LINGO2: variants seen among roughly 807,000 people sequenced by gnomAD.
LINGO2 encodes the protein leucine rich repeat and Ig domain containing 2, also known as leucine-rich repeat and immunoglobulin-like domain-containing nogo receptor-interacting protein 2.
In LINGO2, 14 loss-of-function variants were observed where a neutral mutation model predicts 30.6. The ratio of observed to expected loss-of-function variants is 0.46; its 90% CI spans 0.30 to 0.72. The LOEUF is 0.72. LINGO2 is among the 30% of genes least tolerant of loss of function. The probability of loss-of-function intolerance (pLI) is 0.07; values close to 1 mark genes in which losing one functional copy is unlikely to be tolerated. For missense variants in LINGO2, 729 were observed against 751.7 expected, an observed-to-expected ratio of 0.97 and a Z score of 0.35; for synonymous variants, 317 against 288.5, an observed-to-expected ratio of 1.10 and a Z score of -1.00.
the LINGO2 span, among the ~76,000 whole-genome samples, chr9:28,978,255 G>C: frequency 6.6e-6 from 1 of 152,122 alleles, no homozygotes; most frequent in Non-Finnish European, 1.5e-5. Context: ...TGTGAAATCT[G>C]ATGTTTTGGC....
chr9:27,939,051 A>G, the LINGO2 span: 7 of 152,336 alleles, frequency 4.6e-5, no homozygotes, highest in South Asian at 1.2e-3. Context: ...ATGATTTTCA[A>G]TATAGAATGT....
the LINGO2 span, among the ~76,000 whole-genome samples, chr9:28,765,434 C>T: frequency 6.6e-6 from 1 of 151,918 alleles, no homozygotes; most frequent in African/African-American, 2.4e-5. Flanking sequence ...TATTTGATCC[C>T]CAATGTGTGG....
intron 4 of LINGO2, among the ~76,000 whole-genome samples, chr9:28,206,919 G>A (rs1242059780): frequency 4.6e-5 from 7 of 152,070 alleles, no homozygotes; most frequent in African/African-American, 1.7e-4. Context: ...GTTCACTTAA[G>A]ATGGAACTAT....
intron 4 of LINGO2, among the ~76,000 whole-genome samples, chr9:28,034,568 T>TA (rs1444802858): frequency 2.0e-5 from 3 of 152,168 alleles, no homozygotes; most frequent in Admixed American, 2.0e-4. Context: ...GATAGGGCTT[T>TA]GCAAGTCAGC....
At chr9:28,694,131 A>G in the LINGO2 span, among the ~76,000 whole-genome samples, 1 of 152,014 alleles carries the variant, frequency 6.6e-6, no homozygotes, top group Non-Finnish European at 1.5e-5. Context: ...GTTTTCAAAA[A>G]AAAAAAATCA....
At chr9:29,103,545 A>G in the LINGO2 span, among the ~76,000 whole-genome samples, 1 of 151,960 alleles carries the variant, frequency 6.6e-6, no homozygotes, top group Non-Finnish European at 1.5e-5. Context: ...TTTCTTTTTT[A>G]AAATGTATAT....
chr9:29,083,586 TA>T, the LINGO2 span, among the ~76,000 whole-genome samples: 19 of 145,798 alleles, frequency 1.3e-4, no homozygotes, highest in African/African-American at 3.5e-4. Context: ...ATAATAATAA[TA>T]AAAAAAAGAA....
intron 4 of LINGO2, among the ~76,000 whole-genome samples, chr9:28,013,479 A>G (rs939935421): frequency 1.1e-4 from 16 of 152,232 alleles, no homozygotes; most frequent in South Asian, 4.1e-4. Flanking sequence ...TCAGGAATCA[A>G]TCAATCAAAA....
At chr9:28,397,021 T>C (rs1286787932) in intron 2 of LINGO2, among the ~76,000 whole-genome samples, 2 of 152,136 alleles carry the variant, frequency 1.3e-5, no homozygotes, top group Non-Finnish European at 2.9e-5. Flanking sequence ...ATAATAAATT[T>C]ATATGTAAAA....
At chr9:29,168,537 A>C in the LINGO2 span, among the ~76,000 whole-genome samples, 1 of 152,212 alleles carries the variant, frequency 6.6e-6, no homozygotes, top group Non-Finnish European at 1.5e-5. Flanking sequence ...TATTCTGGAA[A>C]ATATTTTCTT....
intron 2 of LINGO2, among the ~76,000 whole-genome samples, chr9:28,475,367 A>G (rs1006148697): frequency 2.6e-5 from 4 of 152,216 alleles, no homozygotes; most frequent in Admixed American, 1.3e-4. Context: ...GGCAGTGGAT[A>G]CAATTGCACA....
At chr9:28,371,206 G>A (rs1820881590) in intron 3 of LINGO2, among the ~76,000 whole-genome samples, 1 of 152,168 alleles carries the variant, frequency 6.6e-6, no homozygotes, top group Admixed American at 6.5e-5. Context: ...ATTTATCTAT[G>A]GAGTACAGTG....
chr9:28,354,128 T>A (rs1003713878), intron 3 of LINGO2, among the ~76,000 whole-genome samples: 1 of 151,972 alleles, frequency 6.6e-6, no homozygotes, highest in Non-Finnish European at 1.5e-5. Context: ...AATGTGCACA[T>A]GTACCCTAAA....
chr9:28,861,319 A>G, the LINGO2 span, among the ~76,000 whole-genome samples: 3 of 130,378 alleles, frequency 2.3e-5, no homozygotes, highest in Non-Finnish European at 3.1e-5. Context: ...TATATAATAT[A>G]CTATATATAA....
the LINGO2 span, among the ~76,000 whole-genome samples, chr9:28,902,444 G>T: frequency 6.6e-6 from 1 of 152,034 alleles, no homozygotes; most frequent in Non-Finnish European, 1.5e-5. Context: ...AATAGTAGGA[G>T]ATTTCATTAC....
At chr9:28,671,979 T>C (rs1197433505), upstream of LINGO2, among the ~76,000 whole-genome samples, 1 of 152,138 alleles carries the variant, frequency 6.6e-6, no homozygotes, top group Non-Finnish European at 1.5e-5. Context: ...ATTAAATATA[T>C]ATATTTCTTA....
At chr9:27,967,455 G>T (rs571830033) in intron 5 of LINGO2, among the ~76,000 whole-genome samples, 1 of 152,228 alleles carries the variant, frequency 6.6e-6, no homozygotes, top group South Asian at 2.1e-4. Flanking sequence ...TGCAAAGGAG[G>T]CAGGAACATG....
intron 4 of LINGO2, among the ~76,000 whole-genome samples, chr9:28,102,315 TAAC>T (rs1826442269): frequency 1.3e-5 from 2 of 151,936 alleles, no homozygotes; most frequent in South Asian, 4.2e-4. Context: ...GAGGTGGAAA[TAAC>T]AATAATATTT....
At chr9:29,136,018 G>A in the LINGO2 span, among the ~76,000 whole-genome samples, 2 of 152,152 alleles carry the variant, frequency 1.3e-5, no homozygotes, top group African/African-American at 4.8e-5. Flanking sequence ...AACATGGCCA[G>A]CTCACTACTG....
Sources: allele counts gnomAD v4.1 joint callset (sites outside exome capture counted in the v4.1 genomes callset), GRCh38; gene constraint gnomAD v4.1.1; transcripts MANE v1.5; gene names NCBI Gene and HGNC (gene_info 2026-07-23, HGNC 2026-07-21).